CCSER1: variants seen among roughly 807,000 people sequenced by gnomAD.
CCSER1 encodes the protein coiled-coil serine rich protein 1.
CCSER1 carries 41 observed loss-of-function variants against 82.0 expected under a neutral mutation model. The ratio of observed to expected loss-of-function variants is 0.50; its 90% confidence interval spans 0.39 to 0.65. The LOEUF (loss-of-function observed/expected upper bound fraction) is 0.65. CCSER1 is among the 30% of genes least tolerant of loss of function. The probability of loss-of-function intolerance (pLI) is 0.00; values close to 1 mark genes in which losing one functional copy is unlikely to be tolerated. For synonymous variants in CCSER1, 414 were observed against 383.9 expected, an observed-to-expected ratio of 1.08 and a Z score of -0.92; for missense variants, 1,119 against 1,064.2, an observed-to-expected ratio of 1.05 and a Z score of -0.72.
chr4:91,015,197 G>A (rs1032735966), intron 9 of CCSER1, among the ~76,000 whole-genome samples: 9 of 151,886 alleles, frequency 5.9e-5, no homozygotes, highest in Non-Finnish European at 7.4e-5. Context: ...AAAACATGTG[G>A]TTATCTTCAA....
chr4:91,315,150 AGTGTGT>A (rs67135461), intron 10 of CCSER1, among the ~76,000 whole-genome samples: 7,728 of 149,304 alleles, frequency 0.052, 231 homozygotes, highest in Non-Finnish European at 0.072. Context: ...CGTGTGTGCA[AGTGTGT>A]GTGTGTGTGT....
intron 10 of CCSER1, among the ~76,000 whole-genome samples, chr4:91,090,110 G>T (rs1166400168): frequency 6.6e-6 from 1 of 152,150 alleles, no homozygotes; most frequent in Non-Finnish European, 1.5e-5. Flanking sequence ...CCAAGTGGTG[G>T]GTCCACAGTA....
chr4:90,945,021 TC>T (rs1174694249), intron 9 of CCSER1, among the ~76,000 whole-genome samples: 1 of 152,210 alleles, frequency 6.6e-6, no homozygotes, highest in African/African-American at 2.4e-5. Context: ...TGGTTTCTCT[TC>T]CGTGTTTTGA....
At chr4:90,631,217 G>C (rs1046264690) in intron 6 of CCSER1, among the ~76,000 whole-genome samples, 4 of 152,062 alleles carry the variant, frequency 2.6e-5, no homozygotes, top group African/African-American at 9.7e-5. Flanking sequence ...TTTTTTAATG[G>C]CAGGAGGTAC....
chr4:91,104,645 C>A (rs1322798627), intron 10 of CCSER1, among the ~76,000 whole-genome samples: 4 of 152,194 alleles, frequency 2.6e-5, no homozygotes, highest in African/African-American at 9.7e-5. Context: ...CAAATTACCA[C>A]CAAGTAGGTG....
intron 9 of CCSER1, among the ~76,000 whole-genome samples, chr4:90,944,956 T>C (rs1029280116): frequency 6.6e-6 from 1 of 152,182 alleles, no homozygotes; most frequent in African/African-American, 2.4e-5. Context: ...GTCTCTATTA[T>C]TGTGAAGAAA....
At chr4:91,171,016 A>G (rs1271515230) in intron 10 of CCSER1, among the ~76,000 whole-genome samples, 1 of 152,224 alleles carries the variant, frequency 6.6e-6, no homozygotes, top group Admixed American at 6.5e-5. Context: ...GTACTGCTAT[A>G]TAAACATGCA....
chr4:90,571,154 C>T (rs532517482), intron 5 of CCSER1, among the ~76,000 whole-genome samples: 28 of 152,070 alleles, frequency 1.8e-4, no homozygotes, highest in Non-Finnish European at 3.8e-4. Context: ...GTCCAGTCCC[C>T]GTGGAAAACA....
chr4:90,499,259 G>A (rs1475088758), intron 5 of CCSER1, among the ~76,000 whole-genome samples: 1 of 151,928 alleles, frequency 6.6e-6, no homozygotes, highest in East Asian at 1.9e-4. Context: ...TATATGCAAG[G>A]TACATATACC....
chr4:91,480,495 C>A (rs1184673879), intron 10 of CCSER1, among the ~76,000 whole-genome samples: 1 of 152,156 alleles, frequency 6.6e-6, no homozygotes, highest in Non-Finnish European at 1.5e-5. Context: ...GATGGCCTAA[C>A]ACTACTTGCT....
chr4:90,285,180 G>A (rs1004089134), intron 1 of CCSER1, among the ~76,000 whole-genome samples: 1 of 151,930 alleles, frequency 6.6e-6, no homozygotes, highest in African/African-American at 2.4e-5. Flanking sequence ...TTTTTGTGAA[G>A]AATGTCATTG....
chr4:90,859,886 G>T (rs549720354), intron 8 of CCSER1, among the ~76,000 whole-genome samples: 3 of 151,586 alleles, frequency 2.0e-5, no homozygotes, highest in African/African-American at 7.3e-5. Flanking sequence ...CATATGTATG[G>T]CTTAGTCCTC....
chr4:90,627,090 AT>A lies in CCSER1; in HGVS notation c.1725-933del, dbSNP rs570582495. Among the ~76,000 whole-genome samples, 225 of 152,298 alleles carry A rather than the reference AT, an allele frequency of 1.5e-3. 1 individual carries two copies. Among genetic ancestry groups the A allele is most frequent in the African/African-American group, 5.1e-3 (210 of 41,582 alleles). ...CAAAAAATGTTAGCCATAATTTTTTATTCCTTATTTCATTATAGATATAAAA... is the reference window on the plus strand; with the variant it reads ...CAAAAAATGTTAGCCATAATTTTTTATCCTTATTTCATTATAGATATAAAA... On this transcript the variant is annotated intron_variant, in intron 5 of 10. Coordinates refer to ENST00000509176, the MANE Select transcript of CCSER1 (RefSeq NM_001145065.2).
intron 10 of CCSER1, among the ~76,000 whole-genome samples, chr4:91,594,049 A>G (rs1005285875): frequency 2.6e-5 from 4 of 152,122 alleles, no homozygotes; most frequent in Non-Finnish European, 4.4e-5. Flanking sequence ...CCTCATTAGG[A>G]ATTCTATGGA....
chr4:91,000,219 GGTATA>G (rs60452811), intron 9 of CCSER1, among the ~76,000 whole-genome samples: 15,257 of 127,138 alleles, frequency 0.12, 991 homozygotes, highest in African/African-American at 0.18. Context: ...GTATAGTATA[GGTATA>G]GTATAGTATA....
chr4:90,548,395 T>C (rs1295892834), intron 5 of CCSER1, among the ~76,000 whole-genome samples: 1 of 152,104 alleles, frequency 6.6e-6, no homozygotes, highest in African/African-American at 2.4e-5. Flanking sequence ...CACATGAGCA[T>C]ACACACACAT....
intron 10 of CCSER1, among the ~76,000 whole-genome samples, chr4:91,476,420 C>T (rs1272339513): frequency 6.6e-6 from 1 of 151,580 alleles, no homozygotes; most frequent in Non-Finnish European, 1.5e-5. Context: ...TTCCTGTTGG[C>T]AATTTGTGTG....
intron 10 of CCSER1, among the ~76,000 whole-genome samples, chr4:91,117,777 C>T (rs1244994492): frequency 2.0e-5 from 3 of 152,164 alleles, no homozygotes; most frequent in African/African-American, 7.2e-5. Context: ...TCAACAGTTA[C>T]ATGACCATAG....
chr4:91,048,203 A>AC, intron 9 of CCSER1, among the ~76,000 whole-genome samples: 1 of 152,026 alleles, frequency 6.6e-6, no homozygotes. Context: ...AGCAAGATAG[A>AC]TGGCAGTGAC....
Sources: gnomAD v4.1 joint callset for allele counts (sites outside exome capture counted in the v4.1 genomes callset) on GRCh38, gnomAD v4.1.1 for gene constraint, MANE v1.5 for transcripts, NCBI Gene and HGNC (gene_info 2026-07-23, HGNC 2026-07-21) for gene names.